SETD2: variants seen among roughly 807,000 people sequenced by gnomAD.
The protein encoded by SETD2 is histone-lysine N-methyltransferase SETD2.
Under a neutral mutation model 242.1 loss-of-function variants are expected in SETD2, and 31 were observed. The observed-to-expected ratio is 0.13, with a 90% CI of 0.10 to 0.17. The LOEUF (loss-of-function observed/expected upper bound fraction) is 0.17. Ranked by LOEUF, SETD2 falls within the 10% of genes least tolerant of loss-of-function variation. SETD2 has a pLI of 1.00. For missense variants in SETD2, 2,481 were observed against 3,046.3 expected (o/e 0.81, Z 4.37); for synonymous variants, 1,006 against 1,066.5 (o/e 0.94, Z 1.11).
chr3:47,033,344 C>A (rs2038860120), intron 18 of SETD2, among the ~76,000 whole-genome samples: 2 of 152,194 alleles, frequency 1.3e-5, no homozygotes, highest in South Asian at 4.1e-4. Context: ...GGTTGAGTTT[C>A]TTCTATGCTC....
At chr3:47,107,692 CAAGAAA>C (rs2042480182) in intron 5 of SETD2, among the ~76,000 whole-genome samples, 1 of 134,396 alleles carries the variant, frequency 7.4e-6, no homozygotes, top group Admixed American at 8.8e-5. Context: ...TGCCCTCCCT[CAAGAAA>C]AAGAAAAGTC....
chr3:47,067,300 A>C (rs976377946), intron 12 of SETD2, among the ~76,000 whole-genome samples, 182 bp from the exon 13 acceptor site: 1 of 152,160 alleles, frequency 6.6e-6, no homozygotes, highest in Non-Finnish European at 1.5e-5. Flanking sequence ...AAAAACAAGA[A>C]AAAATATATA....
chr3:47,125,785 G>A (rs1405983574), intron 2 of SETD2, among the ~76,000 whole-genome samples: 2 of 152,226 alleles, frequency 1.3e-5, no homozygotes, highest in Non-Finnish European at 2.9e-5. Flanking sequence ...AAGGCATAAC[G>A]TAGGTTGTAC....
chr3:47,032,497 T>G lies in SETD2; in HGVS notation c.7350+5169A>C, dbSNP rs138131560. 8.6e-5 allele frequency among the ~76,000 whole-genome samples: 12 copies of G among 140,140 alleles called. No individual in the cohort carries two copies. The East Asian group carries it at 1.5e-3, about 17-fold the overall frequency. The allele number at this position is 140,140 out of a possible 152,430, so 91.9% of individuals were successfully genotyped here. On this transcript the variant is annotated intron_variant, in intron 18 of 20. Coordinates refer to ENST00000409792, the MANE Select transcript of SETD2 (RefSeq NM_014159.7). ...AACCATGGCTCAAAAAAATAAAAAA[T>G]AAAAGAAAATAAAGAGGTATGGCTA...
At chr3:47,081,465 TA>T (rs772458508) in intron 12 of SETD2, among the ~76,000 whole-genome samples, 1 of 152,228 alleles carries the variant, frequency 6.6e-6, no homozygotes, top group Non-Finnish European at 1.5e-5. Flanking sequence ...GTTGGTTGAA[TA>T]AGACATTTTC....
chr3:47,153,219 T>C (rs561030272), intron 1 of SETD2, among the ~76,000 whole-genome samples: 4 of 152,180 alleles, frequency 2.6e-5, no homozygotes, highest in South Asian at 4.2e-4. Flanking sequence ...ACAAAGTAAA[T>C]TTACACAAAT....
chr3:47,127,223 T>A (rs2043355942), intron 1 of SETD2, among the ~76,000 whole-genome samples: 1 of 151,626 alleles, frequency 6.6e-6, no homozygotes, highest in Non-Finnish European at 1.5e-5. Flanking sequence ...CCAGACATGG[T>A]GGCGTGCACT....
chr3:47,040,803 C>T (rs1424482913), intron 17 of SETD2, among the ~76,000 whole-genome samples: 1 of 151,838 alleles, frequency 6.6e-6, no homozygotes, highest in African/African-American at 2.4e-5. Context: ...AAACTCCTGG[C>T]CTCAAGCGAT....
chr3:47,136,471 ATC>A (rs1378965332), intron 1 of SETD2, among the ~76,000 whole-genome samples: 2 of 152,214 alleles, frequency 1.3e-5, no homozygotes, highest in African/African-American at 2.4e-5. Flanking sequence ...AATGAATGAA[ATC>A]ATGTTGTTTG....
rs932394374 is a variant in SETD2, at chr3:47,101,631, T to C, written c.4918-76A>G. The C allele has an allele frequency of 1.1e-3, 824 of 754,374 alleles. 3 individuals are homozygous for C. The African/African-American group carries it at 0.013, about 12-fold the overall frequency. 46.7% of individuals were successfully genotyped at this position (754,374 alleles called of 1,614,324 possible). A position where few individuals can be genotyped will look rare whatever the true frequency, so the allele number is the denominator to read the frequency against. On this transcript the variant is annotated intron_variant, in intron 7 of 20. Transcript: ENST00000409792. ...GTGTGTGTGTGTGTGTGTGTGTGTG[T>C]GTGCGCATATATAAAGATCATCATC...
At chr3:47,094,164 AG>A (rs2041916085) in intron 9 of SETD2, among the ~76,000 whole-genome samples, 1 of 152,212 alleles carries the variant, frequency 6.6e-6, no homozygotes, top group African/African-American at 2.4e-5. Flanking sequence ...ATAGAGACTA[AG>A]GGAAGTTTCA....
intron 18 of SETD2, among the ~76,000 whole-genome samples, chr3:47,028,631 A>G (rs1249030483): frequency 6.6e-6 from 1 of 152,262 alleles, no homozygotes; most frequent in Admixed American, 6.5e-5. Context: ...CTGAAACTCA[A>G]CAATGTAATG....
At chr3:47,042,429 G>A in intron 17 of SETD2, 132 bp downstream of exon 17, 1 of 792,958 alleles carries the variant, frequency 1.3e-6, no homozygotes, top group Admixed American at 2.6e-5. Flanking sequence ...TGTGATTCTG[G>A]AAATCCAGCA....
At chr3:47,075,903 TGAAA>T (rs1468596809) in intron 12 of SETD2, among the ~76,000 whole-genome samples, 1 of 152,242 alleles carries the variant, frequency 6.6e-6, no homozygotes, top group Non-Finnish European at 1.5e-5. Context: ...AGAAGCAGTA[TGAAA>T]GAAAGTATGA....
intron 1 of SETD2, among the ~76,000 whole-genome samples, chr3:47,154,863 G>A (rs949955083): frequency 2.0e-5 from 3 of 151,954 alleles, no homozygotes; most frequent in Non-Finnish European, 2.9e-5. Context: ...GCGTGGTGGC[G>A]GGCGCCTGTA....
intron 1 of SETD2, among the ~76,000 whole-genome samples, chr3:47,139,494 T>A (rs908267655): frequency 6.6e-6 from 1 of 152,224 alleles, no homozygotes; most frequent in Non-Finnish European, 1.5e-5. Context: ...GTCCTTATTA[T>A]ATAATCTCCC....
At chr3:47,135,774 C>T (rs1240209218) in intron 1 of SETD2, among the ~76,000 whole-genome samples, 7 of 152,196 alleles carry the variant, frequency 4.6e-5, no homozygotes, top group African/African-American at 1.7e-4. Flanking sequence ...GACGATCCCA[C>T]CACTTTGCTC....
intron 15 of SETD2, among the ~76,000 whole-genome samples, chr3:47,056,357 C>T (rs1178535497): frequency 1.3e-5 from 2 of 151,942 alleles, no homozygotes; most frequent in Non-Finnish European, 2.9e-5. Context: ...AAACTCCTGA[C>T]TTCAGGTGAT....
rs763914278 is a variant in SETD2 at position 47,121,790 on chromosome 3, C to T, written c.2846G>A (p.Arg949Lys). ...SGKGFASRENRRNNGLSGKCL... is the reference protein window; with the variant it reads ...SGKGFASRENKRNNGLSGKCL... Reference sequence around the variant, plus strand: ...TTTCCCAGATAACCCATTATTACGCCTGTTCTCCCTGGAAGCAAATCCCTT... The same window carrying T: ...TTTCCCAGATAACCCATTATTACGCTTGTTCTCCCTGGAAGCAAATCCCTT... The change falls in exon 3 of 21, where the codon AGG (arginine) becomes AAG (lysine). Residue 949 changes from arginine to lysine, a missense_variant. By Grantham distance (26) the Arg-to-Lys change is conservative. Around this residue, in one of 17 missense-constraint regions of SETD2, gnomAD observed 1,300 missense variants for 1,259.2 expected, o/e 1.03. Transcript: ENST00000409792. The T allele has an allele frequency of 1.2e-6, 2 of 1,614,104 alleles. No individual in the cohort carries two copies. The highest frequency in any genetic ancestry group is 2.2e-5 in the South Asian group (2 of 91,080).
Sources: allele counts gnomAD v4.1 joint callset (sites outside exome capture counted in the v4.1 genomes callset), GRCh38; gene constraint gnomAD v4.1.1; regional missense constraint gnomAD v4.1.1; transcripts MANE v1.5; gene names NCBI Gene and HGNC (gene_info 2026-07-23, HGNC 2026-07-21).